XYLT1: variants seen among roughly 807,000 people sequenced by gnomAD.
XYLT1 encodes beta-D-xylosyltransferase 1.
A neutral mutation model predicts 91.3 loss-of-function variants in XYLT1; 36 were observed. The observed-to-expected ratio is 0.39, with a 90% confidence interval of 0.30 to 0.52. XYLT1 has a LOEUF of 0.52. XYLT1 is among the 20% of genes least tolerant of loss of function. XYLT1 has a pLI of 0.68. For missense variants in XYLT1, 1,242 were observed against 1,284.5 expected, an observed-to-expected ratio of 0.97 and a Z score of 0.51; for synonymous variants, 588 against 532.0, an observed-to-expected ratio of 1.11 and a Z score of -1.45.
chr16:17,357,172 CAAAAAAA>C (rs1168668915), intron 2 of XYLT1, among the ~76,000 whole-genome samples: 14 of 41,678 alleles, frequency 3.4e-4, no homozygotes, highest in African/African-American at 5.8e-4. Context: ...GACTCGGTCT[CAAAAAAA>C]AAAAAAAAAA....
chr16:17,135,130 A>T (rs1225554134), intron 8 of XYLT1, among the ~76,000 whole-genome samples: 1 of 151,886 alleles, frequency 6.6e-6, no homozygotes, highest in Non-Finnish European at 1.5e-5. Flanking sequence ...AGCCATATTT[A>T]AAACATGAAA....
chr16:17,200,512 T>G lies in XYLT1; in HGVS notation c.1056A>C (p.Lys352Asn), dbSNP rs768037436. 2 of 1,614,024 alleles carry G rather than the reference T, an allele frequency of 1.2e-6. No individual in the cohort carries two copies. Among genetic ancestry groups the G allele is most frequent in the East Asian group, 4.5e-5 (2 of 44,876 alleles). The change falls in exon 4 of 12, where the codon AAA (lysine) becomes AAC (asparagine). Residue 352 changes from lysine to asparagine, a missense_variant. By Grantham distance (94) the Lys-to-Asn change is moderately conservative. Coordinates refer to ENST00000261381, the MANE Select transcript of XYLT1 (RefSeq NM_022166.4). ...CCACGTGGATGTAGTAGAAGTGGTC[T>G]TTGTGGTAGATGGCCTTGAACATGC... is the stretch of plus-strand genomic sequence containing the variant. ...LQRMFKAIYH[K>N]DHFYYIHVDK... is the part of the protein sequence containing the mutation.
chr16:17,469,142 C>A (rs570467367), intron 1 of XYLT1, among the ~76,000 whole-genome samples: 2 of 152,354 alleles, frequency 1.3e-5, no homozygotes, highest in South Asian at 4.1e-4. Flanking sequence ...TGAAGAGCTG[C>A]ACTCCGGCAG....
chr16:17,465,556 T>TGG (rs68156050), intron 1 of XYLT1, among the ~76,000 whole-genome samples: 63 of 101,186 alleles, frequency 6.2e-4, no homozygotes, highest in Non-Finnish European at 1.1e-3. Context: ...TGTTTTTTTT[T>TGG]GGGGGGGGGG....
chr16:17,442,783 A>G (rs2036546981), intron 1 of XYLT1, among the ~76,000 whole-genome samples: 1 of 152,178 alleles, frequency 6.6e-6, no homozygotes, highest in Non-Finnish European at 1.5e-5. Flanking sequence ...ATTCTTTTGG[A>G]GGAAAGACAA....
chr16:17,102,676 CTTAA>C lies in XYLT1; in HGVS notation c.*6015_*6018del, dbSNP rs1966720985. The C allele has an allele frequency of 6.6e-6, 1 of 152,368 alleles. No individual in the cohort carries two copies. Among genetic ancestry groups the C allele is most frequent in the East Asian group, 1.9e-4 (1 of 5,204 alleles). The allele number at this position is 152,368 out of a possible 1,614,324, so 9.4% of individuals were successfully genotyped here. Reference sequence around the variant, plus strand: ...GTCAATTTCAGATAGTTCAATATCTCTTAAAATACTCCTTTAAATAAATAGCAAA... The same window carrying C: ...GTCAATTTCAGATAGTTCAATATCTCAATACTCCTTTAAATAAATAGCAAA... On this transcript the variant is annotated 3_prime_UTR_variant, in exon 12 of 12. Transcript: ENST00000261381.
intron 2 of XYLT1, 88 bp downstream of exon 2, chr16:17,357,924 T>C (rs2035324108): frequency 6.8e-7 from 1 of 1,463,416 alleles, no homozygotes; most frequent in African/African-American, 1.4e-5. Flanking sequence ...CATGGGCCTG[T>C]CCAGCCTTTC....
At chr16:17,133,390 A>C (rs1040514089) in intron 9 of XYLT1, among the ~76,000 whole-genome samples, 3 of 152,198 alleles carry the variant, frequency 2.0e-5, no homozygotes, top group African/African-American at 7.2e-5. Context: ...GGAAATAATC[A>C]AAAGAGAGAA....
intron 5 of XYLT1, among the ~76,000 whole-genome samples, chr16:17,189,019 T>C (rs1001951828): frequency 6.6e-6 from 1 of 152,118 alleles, no homozygotes; most frequent in Non-Finnish European, 1.5e-5. Flanking sequence ...GTCCAACACA[T>C]AGTAGGTGCT....
intron 11 of XYLT1, among the ~76,000 whole-genome samples, chr16:17,111,043 C>T (rs1192231915): frequency 6.6e-6 from 1 of 152,080 alleles, no homozygotes; most frequent in African/African-American, 2.4e-5. Context: ...GCCTGTAATC[C>T]CAGGTACTCG....
intron 2 of XYLT1, among the ~76,000 whole-genome samples, chr16:17,355,993 G>A (rs1280062726): frequency 1.3e-5 from 2 of 151,900 alleles, no homozygotes; most frequent in African/African-American, 4.8e-5. Flanking sequence ...GGATACAGGC[G>A]TTAGCCACCG....
At chr16:17,333,220 T>A (rs1045913144) in intron 2 of XYLT1, among the ~76,000 whole-genome samples, 6 of 152,214 alleles carry the variant, frequency 3.9e-5, no homozygotes, top group Non-Finnish European at 8.8e-5. Flanking sequence ...CTGTGTTTTT[T>A]AAAAAAGTAA....
intron 1 of XYLT1, among the ~76,000 whole-genome samples, chr16:17,424,213 C>G (rs1262446560): frequency 6.6e-6 from 1 of 152,218 alleles, no homozygotes; most frequent in East Asian, 1.9e-4. Context: ...TCTGCCACTT[C>G]TTAGCTGTGT....
rs60773820 is a variant in XYLT1, at chr16:17,269,792, T to TTTATTATTATTATTATTATTA, written c.403-10315_403-10295dup. 4.2e-3 allele frequency among the ~76,000 whole-genome samples: 600 copies of TTTATTATTATTATTATTATTA among 141,714 alleles called. 5 individuals carry two copies. The highest frequency in any genetic ancestry group is 7.4e-3 in the Middle Eastern group (2 of 270). 93.0% of individuals were successfully genotyped at this position (141,714 alleles called of 152,430 possible). A position where few individuals can be genotyped will look rare whatever the true frequency, so the allele number is the denominator to read the frequency against. On this transcript the variant is annotated intron_variant, in intron 2 of 11. Transcript: ENST00000261381. Reference sequence around the variant, plus strand: ...TCCCTCCCACCTCTCTCCTTCTCCCTTTATTATTATTATTATTATTATTAT... The same window carrying TTTATTATTATTATTATTATTA: ...TCCCTCCCACCTCTCTCCTTCTCCCTTTATTATTATTATTATTATTATTATTATTATTATTATTATTATTAT...
chr16:17,435,533 T>G (rs2036445819), intron 1 of XYLT1, among the ~76,000 whole-genome samples: 2 of 152,106 alleles, frequency 1.3e-5, no homozygotes, highest in Admixed American at 6.5e-5. Flanking sequence ...TCAGGCTCTG[T>G]CCCTGCCTGA....
At chr16:17,158,166 T>G (rs892423787) in intron 6 of XYLT1, among the ~76,000 whole-genome samples, 1 of 152,228 alleles carries the variant, frequency 6.6e-6, no homozygotes, top group African/African-American at 2.4e-5. Flanking sequence ...CTCAGCTCAA[T>G]GCTGAACTGC....
At chr16:17,188,918 T>G (rs2032248828) in intron 5 of XYLT1, among the ~76,000 whole-genome samples, 1 of 152,184 alleles carries the variant, frequency 6.6e-6, no homozygotes, top group Admixed American at 6.5e-5. Context: ...TGGACCCAGG[T>G]GGACTGGCTC....
chr16:17,281,723 C>G (rs1478267222), intron 2 of XYLT1, among the ~76,000 whole-genome samples: 3 of 152,142 alleles, frequency 2.0e-5, no homozygotes, highest in Admixed American at 6.5e-5. Context: ...ATTGCAGGAG[C>G]ACTGGAAAGG....
At chr16:17,115,997 AAGC>A (rs71137970) in intron 11 of XYLT1, among the ~76,000 whole-genome samples, 72,493 of 144,198 alleles carry the variant, frequency 0.5, 21,615 homozygotes, top group Non-Finnish European at 0.67. Context: ...AAAAAAAAAA[AAGC>A]AATCTTACAG....
Sources: allele counts gnomAD v4.1 joint callset (sites outside exome capture counted in the v4.1 genomes callset), GRCh38; gene constraint gnomAD v4.1.1; transcripts MANE v1.5; gene names NCBI Gene and HGNC (gene_info 2026-07-23, HGNC 2026-07-21).